WWP1: variants seen among roughly 807,000 people sequenced by gnomAD.
The protein encoded by WWP1 is WW domain containing E3 ubiquitin protein ligase 1.
WWP1 carries 49 observed loss-of-function variants against 130.6 expected under a neutral mutation model. That is an observed-to-expected ratio of 0.38 (90% CI 0.30 to 0.48). WWP1 has a LOEUF of 0.48. Among genes scored for constraint, WWP1 ranks in the 20% least tolerant of loss-of-function variants. WWP1 has a pLI of 0.99. For missense variants in WWP1, 809 were observed against 1,100.6 expected, an observed-to-expected ratio of 0.74 and a Z score of 3.75; for synonymous variants, 332 against 367.8, an observed-to-expected ratio of 0.90 and a Z score of 1.11.
intron 2 of WWP1, among the ~76,000 whole-genome samples, chr8:86,372,590 C>G (rs1824384728): frequency 6.6e-6 from 1 of 152,178 alleles, no homozygotes; most frequent in Non-Finnish European, 1.5e-5. Flanking sequence ...ATTGGTCCAT[C>G]TTGAATTGGT....
chr8:86,448,534 A>C, intron 20 of WWP1, 21 bp downstream of exon 20: 6 of 1,602,486 alleles, frequency 3.7e-6, no homozygotes, highest in Non-Finnish European at 5.1e-6. Flanking sequence ...ATACCTTATT[A>C]AGCTTAATTT....
chr8:86,345,627 G>A (rs1822532211), intron 1 of WWP1, among the ~76,000 whole-genome samples: 1 of 147,492 alleles, frequency 6.8e-6, no homozygotes, highest in South Asian at 2.2e-4. Flanking sequence ...GCCCAGGCTC[G>A]TGTTGAACTC....
intron 5 of WWP1, among the ~76,000 whole-genome samples, chr8:86,390,707 C>CGGGAGAGGGGGA (rs371753417): frequency 9.6e-5 from 8 of 83,532 alleles, no homozygotes; most frequent in Admixed American, 1.7e-4. Context: ...GAGAGGGAGA[C>CGGGAGAGGGGGA]GGGAGAGGGG....
At chr8:86,433,313 T>C (rs1810099668) in intron 14 of WWP1, among the ~76,000 whole-genome samples, 1 of 149,580 alleles carries the variant, frequency 6.7e-6, no homozygotes, top group Admixed American at 6.7e-5. Flanking sequence ...ATGTGCCTGC[T>C]AATGACTCAC....
In WWP1 at chr8:86,351,700, A is replaced by G. The variant is rs546700053; in HGVS notation, c.-115+8770A>G. On this transcript the variant is annotated intron_variant, in intron 1 of 24. Transcript: ENST00000517970. The stretch of plus-strand genomic sequence containing the variant: ...GGATACTGACTTAACATGGCTGGCA[A>G]TATATCAGCTAGTGATGGTTTTGCT... Among the ~76,000 whole-genome samples, 7 of 152,278 alleles carry G rather than the reference A, an allele frequency of 4.6e-5. No homozygotes were observed. The South Asian group carries it at 1.0e-3, about 23-fold the overall frequency.
At chr8:86,436,787 G>A (rs1344991475) in intron 16 of WWP1, among the ~76,000 whole-genome samples, 2 of 152,056 alleles carry the variant, frequency 1.3e-5, no homozygotes, top group African/African-American at 2.4e-5. Context: ...GTATTATAAT[G>A]ATGAACCAAA....
intron 2 of WWP1, among the ~76,000 whole-genome samples, chr8:86,373,461 A>G (rs1446818291): frequency 6.6e-6 from 1 of 151,846 alleles, no homozygotes; most frequent in Non-Finnish European, 1.5e-5. Context: ...TGTAGTTTTT[A>G]CTGTATTTTG....
intron 1 of WWP1, among the ~76,000 whole-genome samples, chr8:86,364,808 AAAG>A (rs1823862284): frequency 8.0e-6 from 1 of 125,148 alleles, no homozygotes; most frequent in Admixed American, 7.6e-5. Context: ...CCCTGCCTCG[AAAG>A]AAAGAAAGAA....
chr8:86,460,084 C>G (rs1051021680), intron 22 of WWP1, among the ~76,000 whole-genome samples: 2 of 152,210 alleles, frequency 1.3e-5, no homozygotes, highest in African/African-American at 4.8e-5. Context: ...CTGTTATACT[C>G]AAACCAATCA....
intron 9 of WWP1, among the ~76,000 whole-genome samples, chr8:86,419,735 C>G (rs1242846568): frequency 6.8e-6 from 1 of 147,604 alleles, no homozygotes; most frequent in African/African-American, 2.4e-5. Flanking sequence ...AAAAGACTCA[C>G]TAAAAATCCA....
rs370133616 is a variant in WWP1 at position 86,431,446 on chromosome 8, T to C, written c.1428T>C (p.Asn476=). The part of the protein sequence containing the change: ...VDSTDRVYFV[N]HNTKTTQWED... ...CAACAGACAGGGTTTACTTTGTGAA[T>C]CATAACACAAAAACAACCCAGTGGG... Residue 476 remains asparagine (N), a synonymous_variant, in exon 13 of 25, where the codon AAT becomes AAC. Transcript: ENST00000517970. 1.5e-5 allele frequency: 24 copies of C among 1,610,572 alleles called. No homozygotes were observed. In the African/African-American group the frequency reaches 2.5e-4, roughly 17 times the overall value.
chr8:86,413,318 T>C (rs570064742), intron 9 of WWP1, among the ~76,000 whole-genome samples: 197 of 152,290 alleles, frequency 1.3e-3, no homozygotes, highest in African/African-American at 4.6e-3. Context: ...TAGTCTCTCA[T>C]GTGCCAGTCA....
intron 8 of WWP1, among the ~76,000 whole-genome samples, chr8:86,409,849 G>T (rs1180610079): frequency 6.6e-6 from 1 of 151,620 alleles, no homozygotes; most frequent in African/African-American, 2.4e-5. Flanking sequence ...CACAGAGCGA[G>T]ACACCTTCTC....
intron 1 of WWP1, among the ~76,000 whole-genome samples, chr8:86,364,699 G>T (rs976224433): frequency 1.3e-5 from 2 of 151,912 alleles, no homozygotes; most frequent in Non-Finnish European, 2.9e-5. Flanking sequence ...TCAACTACTT[G>T]AGAGTCTCAG....
chr8:86,430,951 G>T (rs1396438534), intron 12 of WWP1, among the ~76,000 whole-genome samples, 200 bp downstream of exon 12: 1 of 133,418 alleles, frequency 7.5e-6, no homozygotes. Flanking sequence ...ATATTCTGTA[G>T]AATGTTATAT....
intron 21 of WWP1, 22 bp downstream of exon 21, chr8:86,452,701 A>C: frequency 6.2e-7 from 1 of 1,609,230 alleles, no homozygotes; most frequent in Non-Finnish European, 8.5e-7. Flanking sequence ...TTATTATGCT[A>C]TTGTAGGGAA....
intron 18 of WWP1, among the ~76,000 whole-genome samples, chr8:86,444,444 G>C (rs1415662905): frequency 6.6e-6 from 1 of 152,206 alleles, no homozygotes; most frequent in Non-Finnish European, 1.5e-5. Flanking sequence ...GGCACATAGA[G>C]AGTATTAAAA....
At chr8:86,353,327 A>C (rs1484707781) in intron 1 of WWP1, among the ~76,000 whole-genome samples, 1 of 152,198 alleles carries the variant, frequency 6.6e-6, no homozygotes, top group African/African-American at 2.4e-5. Flanking sequence ...TCCTGTCATC[A>C]GAAGAGTAGA....
rs138226113 is a variant in WWP1 at position 86,433,956 on chromosome 8, C to T, written c.1602-1496C>T. ...AAATGTAGAATCATCCACAACTCCT[C>T]TATCTCTCCTACCTTACAAACAGTC... is the stretch of plus-strand genomic sequence containing the variant. On this transcript the variant is annotated intron_variant, in intron 14 of 24. Coordinates refer to ENST00000517970, the MANE Select transcript of WWP1 (RefSeq NM_007013.4). 2.9e-3 allele frequency among the ~76,000 whole-genome samples: 441 copies of T among 152,160 alleles called. 3 individuals are homozygous for T. Among genetic ancestry groups the T allele is most frequent in the African/African-American group, 9.8e-3 (409 of 41,528 alleles).
Sources: gnomAD v4.1 joint callset for allele counts (sites outside exome capture counted in the v4.1 genomes callset) on GRCh38, gnomAD v4.1.1 for gene constraint, MANE v1.5 for transcripts, NCBI Gene and HGNC (gene_info 2026-07-23, HGNC 2026-07-21) for gene names.